The following NOL10 variants were observed in gnomAD, a reference collection of about 807,000 sequenced individuals.
The protein encoded by NOL10 is nucleolar protein 10, also known as H_NH0074G24.1.
In NOL10, 58 loss-of-function variants were observed where a neutral mutation model predicts 103.5. That is an observed-to-expected ratio of 0.56 (90% confidence interval 0.45 to 0.70). The LOEUF (loss-of-function observed/expected upper bound fraction) is 0.70, where lower values mean the gene tolerates loss of function less well. NOL10 is among the 30% of genes least tolerant of loss of function. NOL10 has a pLI of 0.00. For missense variants in NOL10, 763 were observed against 807.3 expected, an observed-to-expected ratio of 0.95 and a Z score of 0.67; for synonymous variants, 287 against 282.5, an observed-to-expected ratio of 1.02 and a Z score of -0.16.
intron 10 of NOL10, among the ~76,000 whole-genome samples, chr2:10,658,248 T>C (rs1679975156): frequency 6.6e-6 from 1 of 152,142 alleles, no homozygotes; most frequent in Admixed American, 6.5e-5. Context: ...AAAGACATAA[T>C]CAGGAACAGT....
chr2:10,663,561 T>C (rs1413181470), intron 8 of NOL10, among the ~76,000 whole-genome samples: 1 of 152,130 alleles, frequency 6.6e-6, no homozygotes, highest in East Asian at 1.9e-4. Flanking sequence ...TACATTTTTA[T>C]GGGAAAAGAA....
chr2:10,573,129 G>A (rs1158951652), intron 20 of NOL10, among the ~76,000 whole-genome samples: 1 of 152,052 alleles, frequency 6.6e-6, no homozygotes, highest in Non-Finnish European at 1.5e-5. Context: ...ACTGTCAGGG[G>A]CCTCAGTTGA....
intron 7 of NOL10, among the ~76,000 whole-genome samples, chr2:10,667,805 T>A (rs1284875419): frequency 6.6e-6 from 1 of 152,158 alleles, no homozygotes; most frequent in Admixed American, 6.5e-5. Context: ...ATATAATGCA[T>A]TTGTGAAGTT....
chr2:10,656,769 A>T (rs907220242), intron 11 of NOL10, among the ~76,000 whole-genome samples: 4 of 152,218 alleles, frequency 2.6e-5, no homozygotes, highest in African/African-American at 7.2e-5. Context: ...GGAATTTTTT[A>T]AAAGTGATCT....
intron 13 of NOL10, among the ~76,000 whole-genome samples, chr2:10,624,734 G>A (rs1335364023): frequency 6.6e-6 from 1 of 151,946 alleles, no homozygotes; most frequent in African/African-American, 2.4e-5. Flanking sequence ...AAAACTAAAC[G>A]TATTGTGACC....
At chr2:10,600,973 T>A in intron 16 of NOL10, 31 bp from the exon 17 acceptor site, 1 of 1,357,440 alleles carries the variant, frequency 7.4e-7, no homozygotes, top group Non-Finnish European at 1.0e-6. Flanking sequence ...GGTATTTTAT[T>A]TTATTTTAAA....
At chr2:10,587,275 A>ATATATTTTTTTTTT (rs1280231319) in intron 19 of NOL10, among the ~76,000 whole-genome samples, 4 of 22,562 alleles carry the variant, frequency 1.8e-4, no homozygotes, top group East Asian at 2.1e-3. Context: ...ATATATATAT[A>ATATATTTTTTTTTT]TTTTTTTTTT....
At chr2:10,618,570 T>G (rs1676962823) in intron 13 of NOL10, among the ~76,000 whole-genome samples, 1 of 152,218 alleles carries the variant, frequency 6.6e-6, no homozygotes, top group Non-Finnish European at 1.5e-5. Flanking sequence ...TCTTCATGTG[T>G]TTTCCTATTT....
intron 3 of NOL10, among the ~76,000 whole-genome samples, chr2:10,679,965 G>A (rs1047231360): frequency 6.6e-6 from 1 of 151,868 alleles, no homozygotes; most frequent in African/African-American, 2.4e-5. Flanking sequence ...TAAAACCGAG[G>A]CATTCTGAAT....
chr2:10,661,716 G>A (rs576150102), intron 9 of NOL10, among the ~76,000 whole-genome samples: 8 of 151,982 alleles, frequency 5.3e-5, no homozygotes, highest in Non-Finnish European at 8.8e-5. Flanking sequence ...GAGTTTCTCA[G>A]GCAGAGAAAC....
At chr2:10,613,899 T>C (rs1207881542) in intron 13 of NOL10, among the ~76,000 whole-genome samples, 1 of 151,520 alleles carries the variant, frequency 6.6e-6, no homozygotes, top group Non-Finnish European at 1.5e-5. Flanking sequence ...ATAACAACAA[T>C]AAAAATAATA....
chr2:10,669,465 T>TA (rs199966695), intron 6 of NOL10, among the ~76,000 whole-genome samples: 29,557 of 136,960 alleles, frequency 0.22, 3,970 homozygotes, highest in Non-Finnish European at 0.31. Context: ...ATTTTTATTT[T>TA]TTATATATAT....
intron 17 of NOL10, among the ~76,000 whole-genome samples, chr2:10,591,467 T>C (rs550132610): frequency 1.3e-5 from 2 of 151,556 alleles, no homozygotes; most frequent in African/African-American, 4.8e-5. Context: ...CCGATGGGAG[T>C]GGTGAATAGT....
intron 3 of NOL10, among the ~76,000 whole-genome samples, chr2:10,681,382 G>A (rs1209303796): frequency 2.0e-5 from 3 of 151,982 alleles, no homozygotes; most frequent in African/African-American, 7.2e-5. Flanking sequence ...AATATACAGT[G>A]TATGACTACA....
intron 11 of NOL10, 66 bp downstream of exon 11, chr2:10,657,676 A>G: frequency 1.5e-6 from 2 of 1,354,554 alleles, no homozygotes; most frequent in South Asian, 1.4e-5. Flanking sequence ...AAGGAAAGGG[A>G]GAGGAAAGGA....
chr2:10,682,007 T>C lies in NOL10; in HGVS notation c.175A>G (p.Lys59Glu). 6.6e-7 allele frequency: 1 copy of C among 1,519,004 alleles called. No homozygotes were observed. Among genetic ancestry groups the C allele is most frequent in the Non-Finnish European group, 8.9e-7 (1 of 1,129,356 alleles). 94.1% of individuals were successfully genotyped at this position (1,519,004 alleles called of 1,614,324 possible). The change falls in exon 3 of 21, where the codon AAG (lysine) becomes GAG (glutamate). Residue 59 changes from lysine to glutamate, a missense_variant. Transcript: ENST00000381685. ...ATGTACTGTCCATCTTTTGACACCTTAATAGTGGTACACACAGTAGGCATT... is the reference window on the plus strand; with the variant it reads ...ATGTACTGTCCATCTTTTGACACCTCAATAGTGGTACACACAGTAGGCATT... ...FEMPTVCTTIKVSKDGQYILA... is the reference protein window; with the variant it reads ...FEMPTVCTTIEVSKDGQYILA...
intron 13 of NOL10, among the ~76,000 whole-genome samples, chr2:10,619,842 A>G (rs1330898983): frequency 6.6e-6 from 1 of 152,196 alleles, no homozygotes; most frequent in African/African-American, 2.4e-5. Context: ...GTTTATCATC[A>G]TATTACACTT....
intron 17 of NOL10, among the ~76,000 whole-genome samples, chr2:10,593,127 TAG>T (rs1400807836): frequency 4.2e-5 from 5 of 118,034 alleles, no homozygotes; most frequent in African/African-American, 6.3e-5. Flanking sequence ...TGAAACAAAT[TAG>T]TTTTTTTTTT....
chr2:10,643,024 A>G (rs1450376800), intron 13 of NOL10, among the ~76,000 whole-genome samples: 1 of 152,206 alleles, frequency 6.6e-6, no homozygotes, highest in East Asian at 1.9e-4. Context: ...AGTCCATAAT[A>G]TTTATTAACA....
Sources: allele counts gnomAD v4.1 joint callset (sites outside exome capture counted in the v4.1 genomes callset), GRCh38; gene constraint gnomAD v4.1.1; transcripts MANE v1.5; gene names NCBI Gene and HGNC (gene_info 2026-07-23, HGNC 2026-07-21).